DNAH3: variants seen among roughly 807,000 people sequenced by gnomAD.
DNAH3 encodes the protein dynein axonemal heavy chain 3, also known as axonemal beta dynein heavy chain 3.
Under a neutral mutation model 432.5 loss-of-function variants are expected in DNAH3, and 332 were observed. The observed-to-expected ratio is 0.77, with a 90% CI of 0.70 to 0.84. The LOEUF (loss-of-function observed/expected upper bound fraction) is 0.84, where lower values mean the gene tolerates loss of function less well. Among genes scored for constraint, DNAH3 ranks in the 40% least tolerant of loss-of-function variants. The pLI, the probability that DNAH3 is intolerant of heterozygous loss-of-function variation, is 0.00. For synonymous variants in DNAH3, 1,956 were observed against 1,900.2 expected (o/e 1.03, Z -0.76); for missense variants, 4,861 against 5,114.0 (o/e 0.95, Z 1.51).
chr16:21,024,492 T>G, intron 39 of DNAH3, 104 bp downstream of exon 39: 1 of 767,348 alleles, frequency 1.3e-6, no homozygotes. Context: ...TCCCTGCCCC[T>G]TGTTGCCTCC....
chr16:20,989,874 C>T lies in DNAH3; in HGVS notation c.6602-1809G>A, dbSNP rs562899156. 1.2e-4 allele frequency among the ~76,000 whole-genome samples: 19 copies of T among 152,358 alleles called. No homozygotes were observed. In the South Asian group the frequency reaches 3.9e-3, roughly 32 times the overall value. ...GGGGACCCAGTACACCCTCCGCAGC[C>T]GCTGGCCGGGTGCTAAGTCCCTCAT... On this transcript the variant is annotated intron_variant, in intron 44 of 61. Coordinates refer to ENST00000261383, the Ensembl canonical transcript of DNAH3.
chr16:21,134,050 C>T lies in DNAH3; in HGVS notation c.1082+209G>A, dbSNP rs375278670. 1.0e-5 allele frequency: 5 copies of T among 502,366 alleles called. No individual in the cohort carries two copies. The Admixed American group carries it at 1.0e-4, about 11-fold the overall frequency. 31.1% of individuals were successfully genotyped at this position (502,366 alleles called of 1,614,324 possible). On this transcript the variant is annotated intron_variant, in intron 7 of 61. Transcript: ENST00000261383. ...ATATTCCAGTGCTTAGAGACAGGCA[C>T]AGGGTGCCCTGGGGACACAAAGGAG...
intron 33 of DNAH3, among the ~76,000 whole-genome samples, 200 bp downstream of exon 33, chr16:21,039,652 T>G (rs2089336405): frequency 6.6e-6 from 1 of 152,172 alleles, no homozygotes; most frequent in Non-Finnish European, 1.5e-5. Context: ...GGTTCCGCCC[T>G]GGGAATCTGG....
chr16:20,951,965 G>A lies in DNAH3; in HGVS notation c.11188+468C>T, dbSNP rs181029681. ...TCACCGTGTTACCCAGGATGGTCTC[G>A]ATCTCCTGACCTCGTGATCCGCCTG... On this transcript the variant is annotated intron_variant, in intron 56 of 61. Coordinates refer to ENST00000261383, the Ensembl canonical transcript of DNAH3. Among the ~76,000 whole-genome samples the A allele has an allele frequency of 1.4e-4, 21 of 150,430 alleles. 1 individual carries two copies. The highest frequency in any genetic ancestry group is 5.1e-4 in the African/African-American group (21 of 40,900).
At chr16:21,128,872 A>G in intron 7 of DNAH3, among the ~76,000 whole-genome samples, 1 of 138,298 alleles carries the variant, frequency 7.2e-6, no homozygotes, top group East Asian at 2.2e-4. Context: ...AAAGAAAAAA[A>G]AAAAAAAAAA....
exon 45 of DNAH3, chr16:20,988,065 C>G: frequency 6.2e-7 from 1 of 1,613,924 alleles, no homozygotes; most frequent in South Asian, 1.1e-5. Context: ...AGTGAATCGT[C>G]CTGGGGAATA....
chr16:21,056,637 A>G (rs917138134), intron 27 of DNAH3, among the ~76,000 whole-genome samples: 1 of 152,240 alleles, frequency 6.6e-6, no homozygotes, highest in Non-Finnish European at 1.5e-5. Flanking sequence ...TTAAATGAAC[A>G]ATAAATGGTT....
intron 31 of DNAH3, among the ~76,000 whole-genome samples, chr16:21,046,061 C>G (rs1248905732): frequency 7.3e-5 from 11 of 151,272 alleles, no homozygotes; most frequent in African/African-American, 2.2e-4. Flanking sequence ...AATTTCTGTT[C>G]TTTTACATTT....
intron 52 of DNAH3, among the ~76,000 whole-genome samples, chr16:20,969,305 TGTGCATGC>T (rs938003231): frequency 1.1e-4 from 16 of 152,176 alleles, no homozygotes; most frequent in African/African-American, 3.9e-4. Context: ...TGTGTGTGTG[TGTGCATGC>T]ATGCATGCGT....
At chr16:20,953,331 G>A (rs1420690700) in intron 55 of DNAH3, among the ~76,000 whole-genome samples, 1 of 151,902 alleles carries the variant, frequency 6.6e-6, no homozygotes, top group Non-Finnish European at 1.5e-5. Context: ...GCTAGTTTAC[G>A]TAGTTTTAGT....
chr16:21,130,091 GAAAAAAA>G (rs58706051), intron 7 of DNAH3: 1 of 79,154 alleles, frequency 1.3e-5, no homozygotes, highest in African/African-American at 4.6e-5. Context: ...CTAAATAAAT[GAAAAAAA>G]AAAAAAAAAA....
chr16:21,002,694 C>T (rs1235158168), intron 42 of DNAH3, among the ~76,000 whole-genome samples: 1 of 152,116 alleles, frequency 6.6e-6, no homozygotes, highest in East Asian at 1.9e-4. Flanking sequence ...CTCCTGACCT[C>T]AGGTGATCCT....
chr16:21,008,934 G>C (rs1408459114), intron 41 of DNAH3, among the ~76,000 whole-genome samples: 1 of 152,124 alleles, frequency 6.6e-6, no homozygotes. Context: ...GATTTTGTTA[G>C]GTATTTTAAA....
rs372008317 is a variant in DNAH3, at chr16:21,099,412, G to A, written c.2367-643C>T. ...AAATAGGGCAGAATGACTAGCAGAC[G>A]GAAGTGGAGGGCTACTGTAGCTACA... is the stretch of plus-strand genomic sequence containing the variant. On this transcript the variant is annotated intron_variant, in intron 16 of 61. Coordinates refer to ENST00000261383, the Ensembl canonical transcript of DNAH3. 9.8e-5 allele frequency among the ~76,000 whole-genome samples: 15 copies of A among 152,310 alleles called. No individual in the cohort carries two copies. In the South Asian group the frequency reaches 2.7e-3, roughly 27 times the overall value.
Position 21,053,797 on chromosome 16 carries a change from G to C in DNAH3, c.4039+623C>G, listed in dbSNP as rs536382862. On this transcript the variant is annotated intron_variant, in intron 28 of 61. Coordinates refer to ENST00000261383, the Ensembl canonical transcript of DNAH3. ...GGTGATGGAGTGAGGGTGTGGGGGT[G>C]GTTTGTTTTATATAAAGACCCCAGT... 8.6e-5 allele frequency among the ~76,000 whole-genome samples: 13 copies of C among 151,988 alleles called. No homozygotes were observed. In the East Asian group the frequency reaches 2.3e-3, roughly 27 times the overall value.
intron 36 of DNAH3, 21 bp downstream of exon 36, chr16:21,033,953 A>G: frequency 1.3e-6 from 2 of 1,563,772 alleles, no homozygotes; most frequent in Non-Finnish European, 1.8e-6. Context: ...CCTCCCTGGA[A>G]GCCAGGGATG....
At chr16:21,086,222 G>A (rs1459543444) in intron 19 of DNAH3, among the ~76,000 whole-genome samples, 2 of 152,182 alleles carry the variant, frequency 1.3e-5, no homozygotes, top group African/African-American at 4.8e-5. Flanking sequence ...AACACAGTGA[G>A]TTTTCTTTTT....
chr16:20,993,930 T>G (rs1432398627), intron 44 of DNAH3, among the ~76,000 whole-genome samples: 3 of 152,192 alleles, frequency 2.0e-5, no homozygotes, highest in Non-Finnish European at 4.4e-5. Flanking sequence ...GTCAATATTC[T>G]TAGGTATACA....
chr16:21,104,773 A>G (rs2091910688), intron 15 of DNAH3, among the ~76,000 whole-genome samples, 179 bp from the exon 16 acceptor site: 1 of 152,222 alleles, frequency 6.6e-6, no homozygotes, highest in Non-Finnish European at 1.5e-5. Context: ...TAGAAGGTAG[A>G]TGATATTATC....
Sources: allele counts gnomAD v4.1 joint callset (sites outside exome capture counted in the v4.1 genomes callset), GRCh38; gene constraint gnomAD v4.1.1; transcripts MANE v1.5; gene names NCBI Gene and HGNC (gene_info 2026-07-23, HGNC 2026-07-21).